Variants in FGF12 observed in about 807,000 individuals in gnomAD.
FGF12 encodes the protein fibroblast growth factor 12B.
Under a neutral mutation model 23.6 loss-of-function variants are expected in FGF12, and 14 were observed. The ratio of observed to expected loss-of-function variants is 0.59; its 90% confidence interval spans 0.39 to 0.93. FGF12 has a LOEUF of 0.93. Among genes scored for constraint, FGF12 ranks in the 40% least tolerant of loss-of-function variants. The probability of loss-of-function intolerance (pLI) is 0.00; values close to 1 mark genes in which losing one functional copy is unlikely to be tolerated. For missense variants in FGF12, 175 were observed against 217.8 expected, an observed-to-expected ratio of 0.80 and a Z score of 1.24; for synonymous variants, 62 against 77.3, an observed-to-expected ratio of 0.80 and a Z score of 1.04.
chr3:192,610,241 T>A (rs1355671267), intron 2 of FGF12, among the ~76,000 whole-genome samples: 1 of 152,032 alleles, frequency 6.6e-6, no homozygotes, highest in Non-Finnish European at 1.5e-5. Flanking sequence ...CTTTCACTCA[T>A]TGGTCAGTCA....
intron 4 of FGF12, among the ~76,000 whole-genome samples, chr3:192,333,063 T>G (rs1377303979): frequency 6.6e-6 from 1 of 151,972 alleles, no homozygotes; most frequent in African/African-American, 2.4e-5. Flanking sequence ...TGGCTCAAGA[T>G]TCCCACCCCC....
At chr3:192,361,945 C>T (rs1221112461) in intron 2 of FGF12, among the ~76,000 whole-genome samples, 2 of 152,132 alleles carry the variant, frequency 1.3e-5, no homozygotes, top group Admixed American at 6.5e-5. Context: ...ATTAGGTATT[C>T]TAATTAATAG....
chr3:192,440,361 G>T (rs1021857897), intron 2 of FGF12, among the ~76,000 whole-genome samples: 1 of 152,094 alleles, frequency 6.6e-6, no homozygotes, highest in African/African-American at 2.4e-5. Flanking sequence ...AGGGTGGACG[G>T]GAGTATTTTC....
rs910856357 is a variant in FGF12 at position 192,154,895 on chromosome 3, G to A, written c.428-10768C>T. ...TACCTAAACAAGCCTGGGCAATGGC[G>A]GGCGCCCCTCCCCCAGCCTCGCTGC... On this transcript the variant is annotated intron_variant, in intron 5 of 5. Coordinates refer to ENST00000445105, the MANE Select transcript of FGF12 (RefSeq NM_004113.6). Among the ~76,000 whole-genome samples, 24 of 136,850 alleles carry A rather than the reference G, an allele frequency of 1.8e-4. 1 individual carries two copies. Among genetic ancestry groups the A allele is most frequent in the African/African-American group, 5.9e-4 (22 of 37,272 alleles). The allele number at this position is 136,850 out of a possible 152,430, so 89.8% of individuals were successfully genotyped here.
chr3:192,475,644 C>A (rs1723296603), intron 2 of FGF12, among the ~76,000 whole-genome samples: 1 of 152,202 alleles, frequency 6.6e-6, no homozygotes, highest in Non-Finnish European at 1.5e-5. Flanking sequence ...ATTATGGATT[C>A]CAGTATTTCA....
In FGF12 at chr3:192,588,328, C is replaced by A. The variant is rs141672677; in HGVS notation, c.13+138853G>T. 1.8e-3 allele frequency among the ~76,000 whole-genome samples: 197 copies of A among 109,436 alleles called. 1 individual carries two copies. The highest frequency in any genetic ancestry group is 6.4e-3 in the African/African-American group (186 of 28,936). 71.8% of individuals were successfully genotyped at this position (109,436 alleles called of 152,430 possible). On this transcript the variant is annotated intron_variant, in intron 2 of 5. Transcript: ENST00000445105. ...TCGCGCCACTGCACTCCAGCCTGGG[C>A]GACAGAGCAACAATCCGTCTCAAAA... is the stretch of plus-strand genomic sequence containing the variant.
chr3:192,718,988 TAAA>T (rs540587523), intron 2 of FGF12, among the ~76,000 whole-genome samples: 1 of 142,214 alleles, frequency 7.0e-6, no homozygotes, highest in Non-Finnish European at 1.5e-5. Context: ...CAAACCGAGT[TAAA>T]AAAAAAAAAG....
intron 2 of FGF12, among the ~76,000 whole-genome samples, chr3:192,709,387 T>C (rs192381065): frequency 4.6e-4 from 70 of 152,348 alleles, no homozygotes; most frequent in Admixed American, 1.5e-3. Context: ...AGTTACTGTT[T>C]TGAAAGAACT....
At chr3:192,657,032 AACAATGGGAAGGTTAATATGTAATCAT>A (rs1716454282) in intron 2 of FGF12, among the ~76,000 whole-genome samples, 1 of 152,166 alleles carries the variant, frequency 6.6e-6, no homozygotes, top group Non-Finnish European at 1.5e-5. Flanking sequence ...AGTACATATC[AACAATGGGAAGGTTAATATGTAATCAT>A]ACAATGGTTG....
intron 2 of FGF12, among the ~76,000 whole-genome samples, chr3:192,489,325 G>A (rs1723731017): frequency 6.6e-6 from 1 of 151,554 alleles, no homozygotes; most frequent in Non-Finnish European, 1.5e-5. Context: ...AATTCTCTAT[G>A]TGAATATAAA....
intron 2 of FGF12, among the ~76,000 whole-genome samples, chr3:192,649,102 T>C (rs994027874): frequency 9.9e-5 from 15 of 152,282 alleles, no homozygotes; most frequent in African/African-American, 1.9e-4. Context: ...CCCTATCCAA[T>C]TGCAGTTGTC....
chr3:192,664,270 A>G (rs1346506761), intron 2 of FGF12, among the ~76,000 whole-genome samples: 1 of 152,190 alleles, frequency 6.6e-6, no homozygotes, highest in East Asian at 1.9e-4. Flanking sequence ...TTAGACAAGT[A>G]GTAGCAACTG....
intron 2 of FGF12, among the ~76,000 whole-genome samples, chr3:192,637,653 C>T (rs1715633585): frequency 6.6e-6 from 1 of 152,034 alleles, no homozygotes; most frequent in African/African-American, 2.4e-5. Flanking sequence ...TATAGGACGC[C>T]AGAACTGGAA....
intron 2 of FGF12, among the ~76,000 whole-genome samples, chr3:192,666,905 TGGATAGATAGA>T (rs368290376): frequency 1.5e-3 from 217 of 144,306 alleles, no homozygotes; most frequent in African/African-American, 5.5e-3. Flanking sequence ...GATGGATAGT[TGGATAGATAGA>T]TGATAGATAG....
At chr3:192,205,256 C>T (rs1052349266) in intron 4 of FGF12, among the ~76,000 whole-genome samples, 1 of 152,156 alleles carries the variant, frequency 6.6e-6, no homozygotes, top group East Asian at 1.9e-4. Flanking sequence ...CTTATCCACC[C>T]CACATTCTAA....
chr3:192,499,256 G>T (rs1186471969), intron 2 of FGF12, among the ~76,000 whole-genome samples: 1 of 151,812 alleles, frequency 6.6e-6, no homozygotes, highest in African/African-American at 2.4e-5. Flanking sequence ...GAGAGTCAAA[G>T]AGGTTAAGAA....
intron 4 of FGF12, among the ~76,000 whole-genome samples, chr3:192,290,100 T>G (rs992567240): frequency 1.3e-5 from 2 of 152,080 alleles, no homozygotes; most frequent in African/African-American, 4.8e-5. Context: ...TTTAGTTAGA[T>G]GAGAATAAGT....
chr3:192,418,350 C>T (rs899868527), intron 2 of FGF12, among the ~76,000 whole-genome samples: 3 of 152,088 alleles, frequency 2.0e-5, no homozygotes, highest in Admixed American at 6.6e-5. Context: ...CTACAAGACA[C>T]TCGTTCAACA....
chr3:192,418,823 C>A (rs951110844), intron 2 of FGF12, among the ~76,000 whole-genome samples: 2 of 152,196 alleles, frequency 1.3e-5, no homozygotes, highest in African/African-American at 4.8e-5. Context: ...AGCTACGCTT[C>A]CTGTACAGTC....
Sources: gnomAD v4.1 joint callset for allele counts (sites outside exome capture counted in the v4.1 genomes callset) on GRCh38, gnomAD v4.1.1 for gene constraint, MANE v1.5 for transcripts, NCBI Gene and HGNC (gene_info 2026-07-23, HGNC 2026-07-21) for gene names.